KIAA0513: variants seen among roughly 807,000 people sequenced by gnomAD.
KIAA0513 encodes the protein KIAA0513, also known as uncharacterized protein KIAA0513.
Under a neutral mutation model 56.5 loss-of-function variants are expected in KIAA0513, and 39 were observed. The ratio of observed to expected loss-of-function variants is 0.69; its 90% confidence interval spans 0.53 to 0.90. KIAA0513 has a LOEUF of 0.90. Among genes scored for constraint, KIAA0513 ranks in the 40% least tolerant of loss-of-function variants. KIAA0513 has a pLI of 0.00. For missense variants in KIAA0513, 591 were observed against 535.2 expected (o/e 1.10, Z -1.03); for synonymous variants, 268 against 215.6 (o/e 1.24, Z -2.13).
intron 6 of KIAA0513, among the ~76,000 whole-genome samples, chr16:85,077,967 G>A (rs928041444): frequency 2.0e-5 from 3 of 152,206 alleles, no homozygotes; most frequent in South Asian, 2.1e-4. Flanking sequence ...TGTGGAACAC[G>A]GTCTTGAGTC....
At chr16:85,067,471 G>C in intron 2 of KIAA0513, 71 bp downstream of exon 2, 1 of 1,262,134 alleles carries the variant, frequency 7.9e-7, no homozygotes, top group Non-Finnish European at 1.1e-6. Flanking sequence ...TCCTGCTCTC[G>C]GCTCTGCCTC....
intron 1 of KIAA0513, among the ~76,000 whole-genome samples, chr16:85,062,638 T>C (rs1293888068): frequency 2.0e-5 from 3 of 152,178 alleles, no homozygotes; most frequent in Non-Finnish European, 4.4e-5. Context: ...ACTCCCAGCG[T>C]GTTTTGAAAT....
At chr16:85,086,064 G>A (rs1347525480) in intron 10 of KIAA0513, among the ~76,000 whole-genome samples, 2 of 151,938 alleles carry the variant, frequency 1.3e-5, no homozygotes, top group African/African-American at 4.9e-5. Flanking sequence ...GCAGGGCACA[G>A]CCCTCTGCAG....
At chr16:85,054,363 T>C (rs1235711330) in intron 1 of KIAA0513, among the ~76,000 whole-genome samples, 1 of 152,112 alleles carries the variant, frequency 6.6e-6, no homozygotes, top group Non-Finnish European at 1.5e-5. Context: ...AAGACCCATA[T>C]TTCTGAAGTT....
intron 1 of KIAA0513, 24 bp downstream of exon 1, chr16:85,027,882 G>A (rs933878342): frequency 1.3e-5 from 2 of 152,138 alleles, no homozygotes; most frequent in Non-Finnish European, 2.9e-5. Flanking sequence ...GCCTCAGGCC[G>A]GCCTGACAGG....
At chr16:85,063,649 G>T (rs1205997494) in intron 1 of KIAA0513, 1 of 152,114 alleles carries the variant, frequency 6.6e-6, no homozygotes, top group Non-Finnish European at 1.5e-5. Flanking sequence ...ACAGTGACTT[G>T]TTTCCTTTTT....
At chr16:85,055,508 C>T (rs970954358) in intron 1 of KIAA0513, among the ~76,000 whole-genome samples, 1 of 152,218 alleles carries the variant, frequency 6.6e-6, no homozygotes, top group African/African-American at 2.4e-5. Context: ...TACTGTTCTA[C>T]AGGACAGGAC....
intron 1 of KIAA0513, among the ~76,000 whole-genome samples, chr16:85,038,256 A>G (rs1485139948): frequency 6.6e-6 from 1 of 152,210 alleles, no homozygotes; most frequent in Non-Finnish European, 1.5e-5. Context: ...CCTCTGGATC[A>G]TAGTGACCTC....
chr16:85,033,443 C>T lies in KIAA0513; in HGVS notation c.-173+5585C>T, dbSNP rs926065527. On this transcript the variant is annotated intron_variant, in intron 1 of 12. Coordinates refer to ENST00000683363, the MANE Select transcript of KIAA0513 (RefSeq NM_001388359.1). ...TCCTTGTAGTGGAGGAACAGCTCATCGGCGTCCAGCAGTGAAATAAATGGC... is the reference window on the plus strand; with the variant it reads ...TCCTTGTAGTGGAGGAACAGCTCATTGGCGTCCAGCAGTGAAATAAATGGC... 2.6e-5 allele frequency among the ~76,000 whole-genome samples: 4 copies of T among 152,304 alleles called. No homozygotes were observed. The South Asian group carries it at 6.2e-4, about 24-fold the overall frequency.
chr16:85,077,559 A>C lies in KIAA0513; in HGVS notation c.709A>C (p.Arg237=). The C allele has an allele frequency of 6.2e-7, 1 of 1,614,172 alleles. No homozygotes were observed. Among genetic ancestry groups the C allele is most frequent in the South Asian group, 1.1e-5 (1 of 91,078 alleles). ...AERLLKNTSA[R]TENVKGFFGG... Reference sequence around the variant, plus strand: ...GCGGCTGCTGAAGAACACCTCGGCCAGGACTGAGAATGTCAAGGGCTTCTT... The same window carrying C: ...GCGGCTGCTGAAGAACACCTCGGCCCGGACTGAGAATGTCAAGGGCTTCTT... The change falls in exon 6 of 13, where the codon AGG becomes CGG. Residue 237 remains arginine (R), a synonymous_variant. Coordinates refer to ENST00000683363, the MANE Select transcript of KIAA0513 (RefSeq NM_001388359.1).
intron 6 of KIAA0513, among the ~76,000 whole-genome samples, chr16:85,078,172 T>G (rs370731178): frequency 6.6e-6 from 1 of 152,246 alleles, no homozygotes; most frequent in South Asian, 2.1e-4. Flanking sequence ...TGCCTTGGCC[T>G]CCTCCTCTAC....
chr16:85,084,394 C>T (rs1449820017), intron 10 of KIAA0513, among the ~76,000 whole-genome samples: 2 of 149,980 alleles, frequency 1.3e-5, no homozygotes, highest in Non-Finnish European at 1.5e-5. Flanking sequence ...TACAGGTGCC[C>T]GCCACCACAC....
At chr16:85,078,717 G>A (rs1400902130) in intron 7 of KIAA0513, among the ~76,000 whole-genome samples, 1 of 152,232 alleles carries the variant, frequency 6.6e-6, no homozygotes, top group African/African-American at 2.4e-5. Context: ...GCCATGCTAC[G>A]GAACCATCCC....
chr16:85,087,246 C>A, intron 12 of KIAA0513, 80 bp downstream of exon 12: 1 of 1,143,190 alleles, frequency 8.7e-7, no homozygotes, highest in Admixed American at 1.7e-5. Context: ...GGCGCTTCTG[C>A]ACTGCCAGAA....
intron 4 of KIAA0513, among the ~76,000 whole-genome samples, chr16:85,073,329 C>G (rs1201884464): frequency 6.6e-6 from 1 of 152,190 alleles, no homozygotes; most frequent in East Asian, 1.9e-4. Context: ...TTCCCGAGTT[C>G]CTATTGTAGA....
At chr16:85,068,387 C>T (rs906186366) in intron 2 of KIAA0513, among the ~76,000 whole-genome samples, 4 of 150,706 alleles carry the variant, frequency 2.7e-5, no homozygotes, top group Admixed American at 6.6e-5. Context: ...GGCTGGAATG[C>T]AGTGGCGTGA....
intron 2 of KIAA0513, among the ~76,000 whole-genome samples, chr16:85,070,744 T>G (rs1005294113): frequency 2.0e-5 from 3 of 152,236 alleles, no homozygotes; most frequent in African/African-American, 7.2e-5. Flanking sequence ...AGAGCAGATG[T>G]AGCTTCCTAC....
Position 85,071,763 on chromosome 16 carries a change from C to CTTTT in KIAA0513, c.330-19_330-18insTTTT. The CTTTT allele has an allele frequency of 1.5e-6, 2 of 1,370,876 alleles. No homozygotes were observed. Among genetic ancestry groups the CTTTT allele is most frequent in the South Asian group, 1.3e-5 (1 of 76,206 alleles). 84.9% of individuals were successfully genotyped at this position (1,370,876 alleles called of 1,614,324 possible). A position where few individuals can be genotyped will look rare whatever the true frequency, so the allele number is the denominator to read the frequency against. Reference sequence around the variant, plus strand: ...AAGGGTTTTTTTTTTTTTTCCTCTGCTCTTTTTTTTTTTTTTTAGGGAGGA... The same window carrying CTTTT: ...AAGGGTTTTTTTTTTTTTTCCTCTGCTTTTTCTTTTTTTTTTTTTTTAGGGAGGA... On this transcript the variant is annotated intron_variant, in intron 2 of 12. Transcript: ENST00000683363.
intron 1 of KIAA0513, among the ~76,000 whole-genome samples, chr16:85,062,108 C>A (rs142741354): frequency 3.3e-5 from 5 of 152,136 alleles, no homozygotes; most frequent in African/African-American, 9.7e-5. Flanking sequence ...AGGACCATCA[C>A]CTTCAGATCG....
Sources: allele counts gnomAD v4.1 joint callset (sites outside exome capture counted in the v4.1 genomes callset), GRCh38; gene constraint gnomAD v4.1.1; transcripts MANE v1.5; gene names NCBI Gene and HGNC (gene_info 2026-07-23, HGNC 2026-07-21).